Variants in POLH observed in about 807,000 individuals in gnomAD.
POLH encodes DNA polymerase eta.
A neutral mutation model predicts 73.6 loss-of-function variants in POLH; 53 were observed. The ratio of observed to expected loss-of-function variants is 0.72; its 90% CI spans 0.58 to 0.91. POLH has a LOEUF of 0.91. POLH is among the 40% of genes least tolerant of loss of function. The pLI, the probability that POLH is intolerant of heterozygous loss-of-function variation, is 0.00. For missense variants in POLH, 768 were observed against 865.4 expected, an observed-to-expected ratio of 0.89 and a Z score of 1.41; for synonymous variants, 292 against 308.5, an observed-to-expected ratio of 0.95 and a Z score of 0.56.
In POLH at chr6:43,585,023, G is replaced by A. The variant is rs865789283; in HGVS notation, c.272+1882G>A. Among the ~76,000 whole-genome samples the A allele has an allele frequency of 2.0e-5, 3 of 152,128 alleles. No individual in the cohort carries two copies. In the South Asian group the frequency reaches 6.2e-4, roughly 31 times the overall value. The stretch of plus-strand genomic sequence containing the variant: ...AAACAAAAAAATTTAGCTAGACATG[G>A]TGTTGTGCAGCTCTAGTTCCAGCTA... On this transcript the variant is annotated intron_variant, in intron 3 of 10. Transcript: ENST00000372236.
At chr6:43,591,978 T>TA (rs1185523627) in intron 4 of POLH, among the ~76,000 whole-genome samples, 8 of 152,210 alleles carry the variant, frequency 5.3e-5, no homozygotes, top group Non-Finnish European at 8.8e-5. Flanking sequence ...CTTCTACACT[T>TA]ACTTTTCTTA....
intron 10 of POLH, among the ~76,000 whole-genome samples, chr6:43,611,752 G>A (rs1462953811): frequency 2.0e-5 from 3 of 151,920 alleles, no homozygotes; most frequent in African/African-American, 4.8e-5. Flanking sequence ...ATATGGTGGA[G>A]TCTCCTAGTC....
intron 2 of POLH, among the ~76,000 whole-genome samples, chr6:43,582,678 A>G (rs1764409826): frequency 6.6e-6 from 1 of 151,850 alleles, no homozygotes; most frequent in Non-Finnish European, 1.5e-5. Context: ...GCGCCCCACC[A>G]TGCCAAGCTG....
rs1262678738 is a variant in POLH at position 43,615,076 on chromosome 6, TG to T, written c.*521del. The T allele has an allele frequency of 6.5e-6, 1 of 153,266 alleles. No individual in the cohort carries two copies. The highest frequency in any genetic ancestry group is 1.5e-5 in the Non-Finnish European group (1 of 68,914). 9.5% of individuals were successfully genotyped at this position (153,266 alleles called of 1,614,324 possible). On this transcript the variant is annotated 3_prime_UTR_variant, in exon 11 of 11. Transcript: ENST00000372236. ...TGAGGTCAGGAGTTTGAGACCAGCCTGGCCAACATGGCAAAACCATCTCTAC... is the reference window on the plus strand; with the variant it reads ...TGAGGTCAGGAGTTTGAGACCAGCCTGCCAACATGGCAAAACCATCTCTAC...
At chr6:43,589,373 A>G (rs1765195870) in intron 4 of POLH, among the ~76,000 whole-genome samples, 1 of 152,142 alleles carries the variant, frequency 6.6e-6, no homozygotes, top group Non-Finnish European at 1.5e-5. Context: ...TTTCCCCCAT[A>G]TTCTCAACAA....
chr6:43,610,760 G>T, intron 10 of POLH, 37 bp downstream of exon 10: 12 of 1,537,236 alleles, frequency 7.8e-6, no homozygotes, highest in Non-Finnish European at 1.1e-5. Context: ...CAGAATAGAT[G>T]ATGATTCTTA....
At chr6:43,577,892 G>A (rs1763549425) in intron 1 of POLH, among the ~76,000 whole-genome samples, 1 of 149,860 alleles carries the variant, frequency 6.7e-6, no homozygotes, top group Non-Finnish European at 1.5e-5. Flanking sequence ...AGACCATCCT[G>A]GCTAACACGG....
Position 43,583,075 on chromosome 6 carries a change from A to G in POLH, c.206A>G (p.Lys69Arg). ...VTRSMWADDAKKLCPDLLLAQ... is the reference protein window; with the variant it reads ...VTRSMWADDARKLCPDLLLAQ... ...AGAAGTATGTGGGCAGATGATGCTAAGAAGTTATGTCCAGATCTTCTACTG... is the reference window on the plus strand; with the variant it reads ...AGAAGTATGTGGGCAGATGATGCTAGGAAGTTATGTCCAGATCTTCTACTG... The change falls in exon 3 of 11, where the codon AAG becomes AGG. Residue 69 changes from lysine (K) to arginine (R), a missense_variant. Physicochemically the swap from Lys to Arg is conservative, Grantham distance 26. Coordinates refer to ENST00000372236, the MANE Select transcript of POLH (RefSeq NM_006502.3). The G allele has an allele frequency of 4.3e-6, 7 of 1,613,860 alleles. No homozygotes were observed. The highest frequency in any genetic ancestry group is 5.9e-6 in the Non-Finnish European group (7 of 1,179,738).
At chr6:43,591,050 C>G (rs1023416962) in intron 4 of POLH, 1 of 151,622 alleles carries the variant, frequency 6.6e-6, no homozygotes, top group Non-Finnish European at 1.5e-5. Flanking sequence ...CCCAGGGAAG[C>G]TTGTGACTTA....
intron 9 of POLH, 88 bp downstream of exon 9, chr6:43,605,407 A>C: frequency 1.4e-6 from 1 of 734,914 alleles, no homozygotes; most frequent in Admixed American, 2.0e-5. Context: ...ACAAAGACAG[A>C]AAAAAGTATT....
At chr6:43,586,960 T>A (rs1445526175) in intron 3 of POLH, among the ~76,000 whole-genome samples, 1 of 152,232 alleles carries the variant, frequency 6.6e-6, no homozygotes, top group Non-Finnish European at 1.5e-5. Flanking sequence ...ATACACAAAT[T>A]TGAGGCATTT....
intron 10 of POLH, among the ~76,000 whole-genome samples, chr6:43,612,524 T>C (rs1181520663): frequency 6.6e-5 from 10 of 151,794 alleles, no homozygotes; most frequent in Admixed American, 6.6e-4. Context: ...ATTTTGTACT[T>C]TTAGTAGAGA....
chr6:43,580,625 G>A (rs1763976381), intron 1 of POLH, among the ~76,000 whole-genome samples: 1 of 127,314 alleles, frequency 7.9e-6, no homozygotes, highest in African/African-American at 3.1e-5. Flanking sequence ...GGGCAGAGGC[G>A]CCCCTCACCT....
intron 5 of POLH, among the ~76,000 whole-genome samples, chr6:43,600,401 G>C (rs974018645): frequency 6.6e-6 from 1 of 151,162 alleles, no homozygotes; most frequent in Non-Finnish European, 1.5e-5. Context: ...CCTGGTGACA[G>C]AGCAAGACTC....
chr6:43,583,337 A>G (rs1286655549), intron 3 of POLH, among the ~76,000 whole-genome samples, 196 bp downstream of exon 3: 3 of 152,230 alleles, frequency 2.0e-5, no homozygotes, highest in African/African-American at 4.8e-5. Flanking sequence ...CCATTATACC[A>G]TATAAGAGTT....
chr6:43,582,268 T>G, intron 1 of POLH, 48 bp from the exon 2 acceptor site: 2 of 1,573,642 alleles, frequency 1.3e-6, no homozygotes, highest in Non-Finnish European at 8.7e-7. Context: ...TTCCCTGGCA[T>G]TTTGGATTAG....
Position 43,582,423 on chromosome 6 carries a change from C to T in POLH, c.104C>T (p.Ala35Val), listed in dbSNP as rs569809153. ...CCTCATTTGAGGAATAAACCTTGTG[C>T]AGTTGTACAGTACAAATCATGGAAG... ...QNPHLRNKPC[A>V]VVQYKSWKGG... Residue 35 changes from alanine to valine, a missense_variant, in exon 2 of 11, where the codon GCA becomes GTA. Ala to Val is a moderately conservative substitution (Grantham distance 64). Transcript: ENST00000372236. 94 of 1,613,818 alleles carry T rather than the reference C, an allele frequency of 5.8e-5. No homozygotes were observed. The East Asian group carries it at 2.0e-3, about 35-fold the overall frequency.
chr6:43,601,788 G>T (rs1361901069), intron 6 of POLH, among the ~76,000 whole-genome samples: 1 of 152,156 alleles, frequency 6.6e-6, no homozygotes, highest in Non-Finnish European at 1.5e-5. Context: ...GCCGGGTGCG[G>T]TGGCTCACGC....
chr6:43,617,884 C>T lies in POLH; in HGVS notation c.*3327C>T, dbSNP rs1768454219. On this transcript the variant is annotated 3_prime_UTR_variant, in exon 11 of 11. Coordinates refer to ENST00000372236, the MANE Select transcript of POLH (RefSeq NM_006502.3). ...GCAGTGAGCCCAGATCGTGCCACTG[C>T]ACTGCACCCTGGCGACACAGCAAGA... Among the ~76,000 whole-genome samples, 1 of 151,660 alleles carries T rather than the reference C, an allele frequency of 6.6e-6. No homozygotes were observed. The highest frequency in any genetic ancestry group is 1.5e-5 in the Non-Finnish European group (1 of 67,964).
Sources: gnomAD v4.1 joint callset for allele counts (sites outside exome capture counted in the v4.1 genomes callset) on GRCh38, gnomAD v4.1.1 for gene constraint, MANE v1.5 for transcripts, NCBI Gene and HGNC (gene_info 2026-07-23, HGNC 2026-07-21) for gene names.